NCALD: variants seen among roughly 807,000 people sequenced by gnomAD.
NCALD encodes neurocalcin delta, also known as neurocalcin-delta.
A neutral mutation model predicts 18.6 loss-of-function variants in NCALD; 10 were observed. That is an observed-to-expected ratio of 0.54 (90% CI 0.33 to 0.91). The LOEUF is 0.91. Among genes scored for constraint, NCALD ranks in the 40% least tolerant of loss-of-function variants. The probability of loss-of-function intolerance (pLI) is 0.03; values close to 1 mark genes in which losing one functional copy is unlikely to be tolerated. For missense variants in NCALD, 184 were observed against 247.6 expected (o/e 0.74, Z 1.72); for synonymous variants, 88 against 87.4 (o/e 1.01, Z -0.04).
At chr8:101,893,402 C>T (rs1259454095) in intron 3 of NCALD, among the ~76,000 whole-genome samples, 1 of 150,796 alleles carries the variant, frequency 6.6e-6, no homozygotes, top group Non-Finnish European at 1.5e-5. Context: ...CCAGCCACTG[C>T]AAAATCATGC....
rs147941512 is a variant in NCALD, at chr8:101,849,410, G to C, written c.-20+37731C>G. ...TGGTATCTGATTTAAAAAGCACTAG[G>C]AATTTGTGACTACCTTGGTTATTTA... On this transcript the variant is annotated intron_variant, in intron 4 of 6. Transcript: ENST00000311028. Among the ~76,000 whole-genome samples the C allele has an allele frequency of 2.0e-5, 3 of 152,170 alleles. No individual in the cohort carries two copies. The East Asian group carries it at 5.8e-4, about 29-fold the overall frequency.
At chr8:101,801,643 C>CTTTTTCTTTTTTTT (rs1563783000) in intron 4 of NCALD, among the ~76,000 whole-genome samples, 5 of 44,176 alleles carry the variant, frequency 1.1e-4, no homozygotes, top group Non-Finnish European at 2.8e-4. Context: ...AGCACACTTA[C>CTTTTTCTTTTTTTT]TTTTTTTTTT....
chr8:101,766,222 C>A (rs1378803727), intron 1 of NCALD, among the ~76,000 whole-genome samples: 1 of 152,122 alleles, frequency 6.6e-6, no homozygotes, highest in Non-Finnish European at 1.5e-5. Flanking sequence ...ATGTTAGAAG[C>A]CTGCCCATCA....
chr8:102,081,154 A>G (rs112211226), intron 1 of NCALD, among the ~76,000 whole-genome samples: 7 of 152,180 alleles, frequency 4.6e-5, no homozygotes, highest in African/African-American at 1.7e-4. Flanking sequence ...GGGTTCTTTT[A>G]TGACCCTTTC....
chr8:101,882,484 G>C (rs1816527226), intron 4 of NCALD, among the ~76,000 whole-genome samples: 1 of 152,100 alleles, frequency 6.6e-6, no homozygotes. Context: ...CTTAATCTTG[G>C]ACTTCCCGAC....
intron 2 of NCALD, among the ~76,000 whole-genome samples, chr8:101,935,149 T>G (rs1261830305): frequency 6.6e-6 from 1 of 151,322 alleles, no homozygotes; most frequent in Non-Finnish European, 1.5e-5. Flanking sequence ...AAGGCAAAAT[T>G]AATAAGAGAA....
At chr8:101,807,048 T>C (rs1049171571) in intron 4 of NCALD, among the ~76,000 whole-genome samples, 6 of 152,124 alleles carry the variant, frequency 3.9e-5, no homozygotes, top group African/African-American at 1.4e-4. Context: ...AAGAAGCCTA[T>C]ATCCAGCAAA....
intron 1 of NCALD, among the ~76,000 whole-genome samples, chr8:102,024,985 TC>T (rs1399155568): frequency 1.3e-5 from 2 of 152,082 alleles, no homozygotes; most frequent in African/African-American, 4.8e-5. Flanking sequence ...TTGCTCCCCA[TC>T]CCAACTCCAA....
chr8:101,898,055 C>T (rs1817274668), intron 3 of NCALD, among the ~76,000 whole-genome samples: 2 of 152,322 alleles, frequency 1.3e-5, no homozygotes, highest in South Asian at 4.1e-4. Flanking sequence ...TGAAGAAGGA[C>T]ATGTTTGCTT....
At chr8:102,065,692 T>C (rs2132274467) in intron 1 of NCALD, among the ~76,000 whole-genome samples, 2 of 152,216 alleles carry the variant, frequency 1.3e-5, no homozygotes, top group South Asian at 4.1e-4. Context: ...AAAAGTAAAA[T>C]TTTACTCTGG....
At chr8:102,063,079 A>C (rs951835806) in intron 1 of NCALD, among the ~76,000 whole-genome samples, 3 of 152,258 alleles carry the variant, frequency 2.0e-5, no homozygotes, top group African/African-American at 7.2e-5. Flanking sequence ...ATACCACTAT[A>C]AAATGAATGC....
chr8:101,691,993 C>T, intron 3 of NCALD: 1 of 985,088 alleles, frequency 1.0e-6, no homozygotes, highest in East Asian at 1.1e-4. Context: ...CCAGATCTGG[C>T]AAATTAAATA....
At chr8:101,715,819 C>T (rs2130390340) in intron 2 of NCALD, among the ~76,000 whole-genome samples, 1 of 152,238 alleles carries the variant, frequency 6.6e-6, no homozygotes, top group East Asian at 1.9e-4. Flanking sequence ...CAGGAAACAA[C>T]AGATTCTGGA....
intron 2 of NCALD, among the ~76,000 whole-genome samples, chr8:101,954,706 T>C (rs1819556086): frequency 6.6e-6 from 1 of 152,172 alleles, no homozygotes; most frequent in Admixed American, 6.5e-5. Context: ...GTGATCCAGT[T>C]AGCACTCGAG....
chr8:101,698,883 G>A (rs909794240), intron 2 of NCALD, among the ~76,000 whole-genome samples: 1 of 152,144 alleles, frequency 6.6e-6, no homozygotes. Context: ...AAGACTTTAT[G>A]ATGAAAACGC....
At chr8:101,985,976 G>A (rs1052083112) in intron 2 of NCALD, among the ~76,000 whole-genome samples, 1 of 152,050 alleles carries the variant, frequency 6.6e-6, no homozygotes, top group Non-Finnish European at 1.5e-5. Context: ...AAAAATAAAT[G>A]ATCATTCCTT....
chr8:101,791,350 T>A (rs1812438913), upstream of NCALD, among the ~76,000 whole-genome samples: 1 of 152,190 alleles, frequency 6.6e-6, no homozygotes, highest in Non-Finnish European at 1.5e-5. Context: ...TCTCTCTTTC[T>A]CTATAACAAA....
chr8:101,929,824 T>C (rs2131698092), intron 2 of NCALD, among the ~76,000 whole-genome samples: 1 of 152,234 alleles, frequency 6.6e-6, no homozygotes, highest in South Asian at 2.1e-4. Flanking sequence ...GGCAGGCAGA[T>C]CACTTGAGGT....
chr8:101,769,760 G>C (rs1433445055), intron 1 of NCALD, among the ~76,000 whole-genome samples: 1 of 152,090 alleles, frequency 6.6e-6, no homozygotes, highest in Non-Finnish European at 1.5e-5. Flanking sequence ...TTGAAGAAAA[G>C]TGTGTCCCTG....
Sources: allele counts gnomAD v4.1 joint callset (sites outside exome capture counted in the v4.1 genomes callset), GRCh38; gene constraint gnomAD v4.1.1; transcripts MANE v1.5; gene names NCBI Gene and HGNC (gene_info 2026-07-23, HGNC 2026-07-21).